Variants in ACACB observed in about 807,000 individuals in gnomAD.
ACACB encodes the protein acetyl-CoA carboxylase beta.
In ACACB, 209 loss-of-function variants were observed where a neutral mutation model predicts 278.8. That is an observed-to-expected ratio of 0.75 (90% CI 0.67 to 0.84). The LOEUF is 0.84. Ranked by LOEUF, ACACB falls within the 40% of genes least tolerant of loss-of-function variation. ACACB has a pLI of 0.00. For missense variants in ACACB, 2,850 were observed against 3,269.0 expected, an observed-to-expected ratio of 0.87 and a Z score of 3.13; for synonymous variants, 1,174 against 1,285.6, an observed-to-expected ratio of 0.91 and a Z score of 1.86.
intron 2 of ACACB, among the ~76,000 whole-genome samples, chr12:109,142,996 C>CT (rs1201929209): frequency 6.6e-6 from 1 of 152,196 alleles, no homozygotes; most frequent in Non-Finnish European, 1.5e-5. Flanking sequence ...CAGCAAACAG[C>CT]TGGCAGGAGG....
At chr12:109,214,671 C>G (rs2045942100) in intron 22 of ACACB, among the ~76,000 whole-genome samples, 1 of 152,208 alleles carries the variant, frequency 6.6e-6, no homozygotes, top group Non-Finnish European at 1.5e-5. Flanking sequence ...CTTTTAGCAT[C>G]TTGGTCTGTT....
chr12:109,226,828 A>T (rs1462657028), intron 27 of ACACB, among the ~76,000 whole-genome samples: 2 of 152,144 alleles, frequency 1.3e-5, no homozygotes, highest in Non-Finnish European at 2.9e-5. Flanking sequence ...AAAGCCTAAA[A>T]TATTTACTAC....
rs770963307 is a variant in ACACB, at chr12:109,144,750, C to CTTTTTTTTTTTTTTTTTTTTTTTTT, written c.653+4695_653+4696insTTTTTTTTTTTTTTTTTTTTTTTTT. On this transcript the variant is annotated intron_variant, in intron 2 of 52. Coordinates refer to ENST00000338432, the MANE Select transcript of ACACB (RefSeq NM_001093.4). ...TCTTTCTTTTTCTTTTTCTTTCTTTCTTTCTTTTTTTTTTTTTTTTTTGAG... is the reference window on the plus strand; with the variant it reads ...TCTTTCTTTTTCTTTTTCTTTCTTTCTTTTTTTTTTTTTTTTTTTTTTTTTTTTCTTTTTTTTTTTTTTTTTTGAG... Among the ~76,000 whole-genome samples the CTTTTTTTTTTTTTTTTTTTTTTTTT allele has an allele frequency of 2.2e-4, 19 of 86,770 alleles. 1 individual carries two copies. The highest frequency in any genetic ancestry group is 3.4e-4 in the Non-Finnish European group (16 of 46,720). The allele number at this position is 86,770 out of a possible 152,430, so 56.9% of individuals were successfully genotyped here.
chr12:109,172,629 A>T (rs2044157213), intron 6 of ACACB, among the ~76,000 whole-genome samples: 1 of 152,236 alleles, frequency 6.6e-6, no homozygotes, highest in Non-Finnish European at 1.5e-5. Flanking sequence ...TGATCATTAG[A>T]GAAAGGCAAG....
Position 109,128,241 on chromosome 12 carries a change from C to T in ACACB, c.-9-11156C>T, listed in dbSNP as rs574777270. The stretch of plus-strand genomic sequence containing the variant: ...TCGGCTCACTGCAACCTCCACCTCC[C>T]GGGTTCAAGTGATTCTCCTGCCTCA... On this transcript the variant is annotated intron_variant, in intron 1 of 52. Transcript: ENST00000338432. Among the ~76,000 whole-genome samples the T allele has an allele frequency of 5.3e-5, 8 of 151,846 alleles. No homozygotes were observed. In the South Asian group the frequency reaches 1.2e-3, roughly 24 times the overall value.
rs185682881 is a variant in ACACB, at chr12:109,251,328, C to T, written c.5791-718C>T. 7.2e-4 allele frequency among the ~76,000 whole-genome samples: 110 copies of T among 152,324 alleles called. 1 individual carries two copies. The highest frequency in any genetic ancestry group is 1.3e-3 in the Non-Finnish European group (89 of 68,026). On this transcript the variant is annotated intron_variant, in intron 41 of 52. Transcript: ENST00000338432. ...GGTTGCCTTCCTCTCCTGCCCTGCT[C>T]ATGTCTGCTTAACTACCTACTCTAA...
At chr12:109,212,090 T>C (rs1440080316) in intron 21 of ACACB, among the ~76,000 whole-genome samples, 1 of 152,170 alleles carries the variant, frequency 6.6e-6, no homozygotes, top group African/African-American at 2.4e-5. Flanking sequence ...CACTCCTCCA[T>C]GTGATCGCTG....
At chr12:109,195,238 C>G (rs1025167145) in intron 16 of ACACB, among the ~76,000 whole-genome samples, 1 of 152,208 alleles carries the variant, frequency 6.6e-6, no homozygotes, top group Admixed American at 6.5e-5. Flanking sequence ...ACTTCCCAGC[C>G]TCACATTGTC....
Position 109,266,520 on chromosome 12 carries a change from C to T in ACACB, c.*158C>T, listed in dbSNP as rs2075263. 0.81 allele frequency: 729,048 copies of T among 905,104 alleles called. 294,443 individuals are homozygous for T. The highest frequency in any genetic ancestry group is 0.86 in the Admixed American group (22,102 of 25,552). The allele number at this position is 905,104 out of a possible 1,614,324, so 56.1% of individuals were successfully genotyped here. A position where few individuals can be genotyped will look rare whatever the true frequency, so the allele number is the denominator to read the frequency against. On this transcript the variant is annotated 3_prime_UTR_variant, in exon 53 of 53. Transcript: ENST00000338432. ...GGTTCCGAGCTGACACCCGTCTTAACAAAAGGCCCAGGAGTGCCTCTTCCA... is the reference window on the plus strand; with the variant it reads ...GGTTCCGAGCTGACACCCGTCTTAATAAAAGGCCCAGGAGTGCCTCTTCCA...
At chr12:109,213,293 A>T (rs2045901089) in intron 22 of ACACB, among the ~76,000 whole-genome samples, 1 of 151,990 alleles carries the variant, frequency 6.6e-6, no homozygotes, top group South Asian at 2.1e-4. Context: ...CGAACTCCTG[A>T]CCTCAAGTGA....
intron 1 of ACACB, among the ~76,000 whole-genome samples, chr12:109,130,371 ATG>A (rs1275743503): frequency 2.0e-5 from 3 of 152,222 alleles, no homozygotes; most frequent in Non-Finnish European, 4.4e-5. Context: ...CAGAACCGAC[ATG>A]TGAACCCAGG....
chr12:109,210,214 TAC>T (rs1353475769), intron 21 of ACACB, among the ~76,000 whole-genome samples: 3 of 56,638 alleles, frequency 5.3e-5, no homozygotes, highest in Non-Finnish European at 3.0e-5. Context: ...TATGTATATA[TAC>T]ACACATGTGT....
At chr12:109,199,940 G>A (rs891814921) in intron 18 of ACACB, among the ~76,000 whole-genome samples, 1 of 151,548 alleles carries the variant, frequency 6.6e-6, no homozygotes, top group Non-Finnish European at 1.5e-5. Context: ...GTGAAGGCAG[G>A]AGGATGGCGT....
At chr12:109,194,903 T>C (rs1341805179) in intron 16 of ACACB, among the ~76,000 whole-genome samples, 9 of 152,106 alleles carry the variant, frequency 5.9e-5, no homozygotes, top group Non-Finnish European at 2.9e-5. Flanking sequence ...TTCCAGGGGC[T>C]CTGAGGCTGG....
intron 37 of ACACB, among the ~76,000 whole-genome samples, chr12:109,242,839 G>A (rs1426680171): frequency 1.3e-5 from 2 of 152,162 alleles, no homozygotes; most frequent in Non-Finnish European, 2.9e-5. Context: ...GGTGGCGCAT[G>A]CCTGTAGTCC....
chr12:109,256,932 A>G (rs916173992), intron 45 of ACACB, among the ~76,000 whole-genome samples: 5 of 152,252 alleles, frequency 3.3e-5, no homozygotes, highest in African/African-American at 7.2e-5. Context: ...GACATACTCC[A>G]TAAGTGGGAA....
chr12:109,182,324 T>C (rs1233454973), intron 11 of ACACB, among the ~76,000 whole-genome samples: 1 of 152,180 alleles, frequency 6.6e-6, no homozygotes, highest in East Asian at 1.9e-4. Flanking sequence ...CTTTTGTCTG[T>C]TTTTAATTGG....
intron 2 of ACACB, among the ~76,000 whole-genome samples, chr12:109,155,189 G>A (rs2043497135): frequency 6.6e-6 from 1 of 152,128 alleles, no homozygotes; most frequent in East Asian, 1.9e-4. Flanking sequence ...GGTCGCTTCG[G>A]AGCACACAGG....
Position 109,176,378 on chromosome 12 carries a change from G to A in ACACB, c.1437+115G>A. 4.2e-6 allele frequency: 4 copies of A among 946,950 alleles called. No homozygotes were observed. In the South Asian group the frequency reaches 4.3e-5, roughly 10 times the overall value. The allele number at this position is 946,950 out of a possible 1,614,324, so 58.7% of individuals were successfully genotyped here. A position where few individuals can be genotyped will look rare whatever the true frequency, so the allele number is the denominator to read the frequency against. ...AGTCAAGAAGACATTTGTAGGAGCTGGATGTATCGTTGTATCGTATTTTGC... is the reference window on the plus strand; with the variant it reads ...AGTCAAGAAGACATTTGTAGGAGCTAGATGTATCGTTGTATCGTATTTTGC... On this transcript the variant is annotated intron_variant, in intron 9 of 52. Transcript: ENST00000338432.
Sources: allele counts gnomAD v4.1 joint callset (sites outside exome capture counted in the v4.1 genomes callset), GRCh38; gene constraint gnomAD v4.1.1; transcripts MANE v1.5; gene names NCBI Gene and HGNC (gene_info 2026-07-23, HGNC 2026-07-21).